FAM81A: variants seen among roughly 807,000 people sequenced by gnomAD.
FAM81A encodes the protein protein FAM81A.
In FAM81A, 19 loss-of-function variants were observed where a neutral mutation model predicts 46.7. The observed-to-expected ratio is 0.41, with a 90% CI of 0.28 to 0.60. FAM81A has a LOEUF of 0.60. Ranked by LOEUF, FAM81A falls within the 20% of genes least tolerant of loss-of-function variation. The pLI is 0.34. For missense variants in FAM81A, 377 were observed against 453.5 expected (o/e 0.83, Z 1.53); for synonymous variants, 183 against 152.9 (o/e 1.20, Z -1.45).
At chr15:59,507,960 T>G (rs1331850632) in intron 5 of FAM81A, among the ~76,000 whole-genome samples, 1 of 152,258 alleles carries the variant, frequency 6.6e-6, no homozygotes, top group Admixed American at 6.5e-5. Flanking sequence ...TTGCTATTGT[T>G]CGTTTAAAGA....
chr15:59,460,608 G>C lies in FAM81A; in HGVS notation c.294+402G>C. 3.0e-6 allele frequency: 1 copy of C among 334,082 alleles called. No individual in the cohort carries two copies. The highest frequency in any genetic ancestry group is 1.1e-3 in the Middle Eastern group (1 of 946). 20.7% of individuals were successfully genotyped at this position (334,082 alleles called of 1,614,324 possible). ...AGATTAAATGTTTCTAGGTCATAAT[G>C]ATTATATGTAATACAGTTTATTACT... On this transcript the variant is annotated intron_variant, in intron 3 of 8. Coordinates refer to ENST00000288228, the MANE Select transcript of FAM81A (RefSeq NM_152450.3). This position sits in a 1 kb window ranked among gnomAD's most constrained non-coding sequence, Gnocchi z 4.4.
intron 4 of FAM81A, among the ~76,000 whole-genome samples, chr15:59,500,629 A>T (rs1258087503): frequency 6.6e-6 from 1 of 151,214 alleles, no homozygotes; most frequent in Non-Finnish European, 1.5e-5. Context: ...CTCATTATGC[A>T]TATGTTGGTG....
At chr15:59,478,913 A>T (rs1212217274) in intron 3 of FAM81A, among the ~76,000 whole-genome samples, 2 of 152,218 alleles carry the variant, frequency 1.3e-5, no homozygotes, top group African/African-American at 4.8e-5. Context: ...AACAGCTTAA[A>T]CCAAAGACAG....
chr15:59,421,722 T>C (rs1265386309), intron 2 of FAM81A, among the ~76,000 whole-genome samples: 1 of 135,890 alleles, frequency 7.4e-6, no homozygotes, highest in African/African-American at 2.9e-5. Context: ...TATCTGTCTG[T>C]CTGTCTGTCT....
intron 1 of FAM81A, among the ~76,000 whole-genome samples, chr15:59,450,846 C>T (rs2081410482): frequency 1.3e-5 from 2 of 152,186 alleles, no homozygotes; most frequent in Admixed American, 6.5e-5. Flanking sequence ...GAATTACACC[C>T]TATGTAGTTT....
intron 3 of FAM81A, among the ~76,000 whole-genome samples, chr15:59,463,583 C>A (rs148916870): frequency 6.6e-6 from 1 of 152,162 alleles, no homozygotes; most frequent in Non-Finnish European, 1.5e-5. Context: ...TGGCTCACAC[C>A]TGTAATCCCA....
At position 59,516,838 on chromosome 15, in the gene FAM81A, C is replaced by G. The variant is rs1426177929; in HGVS notation, c.980C>G (p.Ala327Gly). Residue 327 changes from alanine (A) to glycine (G), a missense_variant and splice_region_variant, in exon 8 of 9, where the codon GCT (alanine) becomes GGT (glycine). Ala to Gly is a moderately conservative substitution (Grantham distance 60). Transcript: ENST00000288228. ...AAGGAAATGAAAGCAGAAGTTAATG[C>G]TGGTAGGCCAAAACCAGAACAGCTC... ...NIKEMKAEVNAGFTAVYESIG... is the reference protein window; with the variant it reads ...NIKEMKAEVNGGFTAVYESIG... 4.4e-6 allele frequency: 7 copies of G among 1,594,918 alleles called. No individual in the cohort carries two copies. The highest frequency in any genetic ancestry group is 4.3e-6 in the Non-Finnish European group (5 of 1,173,216).
At chr15:59,445,167 T>C (rs2081340941) in intron 1 of FAM81A, 1 of 152,230 alleles carries the variant, frequency 6.6e-6, no homozygotes, top group South Asian at 2.1e-4. Context: ...CCTGAAGGTG[T>C]CTGCGTTTGC....
In FAM81A at chr15:59,467,877, C is replaced by T. The variant is rs536039915; in HGVS notation, c.294+7671C>T. ...AAATAGCTCTTATTATTTTGAGATA[C>T]GTTCCATCAATACCTAGTCAAATGA... On this transcript the variant is annotated intron_variant, in intron 3 of 8. Transcript: ENST00000288228. 4.6e-5 allele frequency among the ~76,000 whole-genome samples: 7 copies of T among 152,176 alleles called. No individual in the cohort carries two copies. The South Asian group carries it at 1.0e-3, about 23-fold the overall frequency.
Position 59,503,880 on chromosome 15 carries a change from C to T in FAM81A, c.414-3333C>T, listed in dbSNP as rs561188694. Among the ~76,000 whole-genome samples, 59 of 152,224 alleles carry T rather than the reference C, an allele frequency of 3.9e-4. 1 individual carries two copies. In the South Asian group the frequency reaches 0.012, roughly 31 times the overall value. ...GAGCCACTGTGCCCAGCCCTAGCCACTGTTGTATTAATAGAAATTTATGTT... is the reference window on the plus strand; with the variant it reads ...GAGCCACTGTGCCCAGCCCTAGCCATTGTTGTATTAATAGAAATTTATGTT... On this transcript the variant is annotated intron_variant, in intron 4 of 8. Transcript: ENST00000288228.
chr15:59,460,560 C>G lies in FAM81A; in HGVS notation c.294+354C>G. On this transcript the variant is annotated intron_variant, in intron 3 of 8. Coordinates refer to ENST00000288228, the MANE Select transcript of FAM81A (RefSeq NM_152450.3). The surrounding 1 kb of genome is among the most constrained non-coding windows in gnomAD (Gnocchi z 4.4). ...TTGAAGACAGCTATTAAGTCAATTACTAAGGTCAGACTCTGTTGCTTCAGA... is the reference window on the plus strand; with the variant it reads ...TTGAAGACAGCTATTAAGTCAATTAGTAAGGTCAGACTCTGTTGCTTCAGA... 1 of 372,612 alleles carries G rather than the reference C, an allele frequency of 2.7e-6. No homozygotes were observed. 23.1% of individuals were successfully genotyped at this position (372,612 alleles called of 1,614,324 possible). A position where few individuals can be genotyped will look rare whatever the true frequency, so the allele number is the denominator to read the frequency against.
intron 1 of FAM81A, among the ~76,000 whole-genome samples, chr15:59,452,550 G>T (rs1424870583): frequency 6.6e-6 from 1 of 152,180 alleles, no homozygotes; most frequent in East Asian, 1.9e-4. Flanking sequence ...TGGAGGCTGA[G>T]GCAGGAGGAT....
chr15:59,482,597 G>A (rs1453660770), intron 3 of FAM81A, among the ~76,000 whole-genome samples: 5 of 152,138 alleles, frequency 3.3e-5, no homozygotes, highest in East Asian at 3.8e-4. Flanking sequence ...TGTATTAGGC[G>A]CTGGGCTCGT....
Position 59,522,767 on chromosome 15 carries a change from A to G in FAM81A, c.*1389A>G, listed in dbSNP as rs534164529. On this transcript the variant is annotated 3_prime_UTR_variant, in exon 9 of 9. Coordinates refer to ENST00000288228, the MANE Select transcript of FAM81A (RefSeq NM_152450.3). Reference sequence around the variant, plus strand: ...CTCAGGAAAATAAAAAGCATTTTCTATTTTTAGGACAAATCACAAATGAAG... The same window carrying G: ...CTCAGGAAAATAAAAAGCATTTTCTGTTTTTAGGACAAATCACAAATGAAG... 1 of 152,766 alleles carries G rather than the reference A, an allele frequency of 6.5e-6. No individual in the cohort carries two copies. Among genetic ancestry groups the G allele is most frequent in the South Asian group, 2.1e-4 (1 of 4,830 alleles). The allele number at this position is 152,766 out of a possible 1,614,324, so 9.5% of individuals were successfully genotyped here. A position where few individuals can be genotyped will look rare whatever the true frequency, so the allele number is the denominator to read the frequency against.
chr15:59,508,869 C>A lies in FAM81A; in HGVS notation c.550C>A (p.Gln184Lys). The A allele has an allele frequency of 6.2e-7, 1 of 1,609,242 alleles. No homozygotes were observed. The highest frequency in any genetic ancestry group is 1.1e-5 in the South Asian group (1 of 90,052). Residue 184 changes from glutamine (Q) to lysine (K), a missense_variant, in exon 6 of 9, where the codon CAG (glutamine) becomes AAG (lysine). By Grantham distance (53) the Gln-to-Lys change is moderately conservative. Coordinates refer to ENST00000288228, the MANE Select transcript of FAM81A (RefSeq NM_152450.3). ...AGCAAGATTTCTTTTCCAGATTTCT[C>A]AGCTTTTGAACAGAGTGGACTTGTC... ...KIKDAEGQIS[Q>K]LLNRVDLSIS...
rs751170182 is a variant in FAM81A at position 59,514,274 on chromosome 15, A to T, written c.651-15A>T. 2.7e-5 allele frequency: 31 copies of T among 1,144,044 alleles called. No individual in the cohort carries two copies. Among genetic ancestry groups the T allele is most frequent in the African/African-American group, 6.4e-5 (4 of 62,304 alleles). The allele number at this position is 1,144,044 out of a possible 1,614,324, so 70.9% of individuals were successfully genotyped here. On this transcript the variant is annotated splice_polypyrimidine_tract_variant and intron_variant, in intron 6 of 8. Transcript: ENST00000288228. ...TAAACTGTTTTACATCTAACTTGCAATTTTTTTTTTTTAGATTTAAAGGTA... is the reference window on the plus strand; with the variant it reads ...TAAACTGTTTTACATCTAACTTGCATTTTTTTTTTTTTAGATTTAAAGGTA...
chr15:59,491,552 A>T (rs2081981765), intron 3 of FAM81A, among the ~76,000 whole-genome samples: 2 of 152,234 alleles, frequency 1.3e-5, no homozygotes, highest in African/African-American at 4.8e-5. Flanking sequence ...TGTACATGTA[A>T]ACATAACTAA....
At position 59,408,065 on chromosome 15, in the gene FAM81A, G is replaced by A. The variant is rs137995490; in HGVS notation, c.-78+5707G>A. ...GATTCTTAGGCCTTTTCTCCAACAC[G>A]GGATTCACCACTTTCCTGGCCTCCT... On this transcript the variant is annotated intron_variant, in intron 2 of 4. Transcript: ENST00000558348. 319 of 166,694 alleles carry A rather than the reference G, an allele frequency of 1.9e-3. 1 individual carries two copies. Among genetic ancestry groups the A allele is most frequent in the African/African-American group, 7.1e-3 (297 of 41,702 alleles). 10.3% of individuals were successfully genotyped at this position (166,694 alleles called of 1,614,324 possible).
intron 1 of FAM81A, among the ~76,000 whole-genome samples, chr15:59,442,061 A>C (rs1333857652): frequency 2.0e-5 from 3 of 152,208 alleles, no homozygotes; most frequent in Non-Finnish European, 4.4e-5. Context: ...AACTTAAAGA[A>C]AACACTGCTT....
Sources: gnomAD v4.1 joint callset for allele counts (sites outside exome capture counted in the v4.1 genomes callset) on GRCh38, gnomAD v4.1.1 for gene constraint, Gnocchi (gnomAD v3.1) non-coding constraint, MANE v1.5 for transcripts, NCBI Gene and HGNC (gene_info 2026-07-23, HGNC 2026-07-21) for gene names.